SETBP1: variants seen among roughly 807,000 people sequenced by gnomAD.
SETBP1 encodes the protein SET binding protein 1, also known as SET-binding protein.
Under a neutral mutation model 101.0 loss-of-function variants are expected in SETBP1, and 9 were observed. The observed-to-expected ratio is 0.09, with a 90% CI of 0.05 to 0.16. SETBP1 has a LOEUF of 0.16. Among genes scored for constraint, SETBP1 ranks in the 10% least tolerant of loss-of-function variants. SETBP1 has a pLI of 1.00. For missense variants in SETBP1, 1,858 were observed against 2,033.8 expected, an observed-to-expected ratio of 0.91 and a Z score of 1.66; for synonymous variants, 818 against 788.5, an observed-to-expected ratio of 1.04 and a Z score of -0.63.
chr18:44,812,539 G>T (rs2071885690), intron 2 of SETBP1, among the ~76,000 whole-genome samples: 1 of 152,144 alleles, frequency 6.6e-6, no homozygotes, highest in Admixed American at 6.6e-5. Context: ...TTGCATGTGA[G>T]ATATTTTTGC....
At chr18:45,023,627 G>C (rs575054073) in intron 4 of SETBP1, among the ~76,000 whole-genome samples, 1 of 152,188 alleles carries the variant, frequency 6.6e-6, no homozygotes, top group African/African-American at 2.4e-5. Context: ...CAGAGAGTTC[G>C]AAGTTAGTTA....
At chr18:44,983,893 G>A (rs1398729716) in intron 4 of SETBP1, among the ~76,000 whole-genome samples, 1 of 152,168 alleles carries the variant, frequency 6.6e-6, no homozygotes, top group Non-Finnish European at 1.5e-5. Context: ...GGCCATCTTA[G>A]AAAAGGTACA....
At chr18:44,709,137 A>G (rs1265889895) in intron 2 of SETBP1, among the ~76,000 whole-genome samples, 1 of 152,038 alleles carries the variant, frequency 6.6e-6, no homozygotes, top group African/African-American at 2.4e-5. Context: ...TGGGGGTTTA[A>G]AACATGTAGC....
intron 4 of SETBP1, among the ~76,000 whole-genome samples, chr18:44,999,176 C>G (rs779648713): frequency 6.6e-6 from 1 of 151,966 alleles, no homozygotes; most frequent in Non-Finnish European, 1.5e-5. Flanking sequence ...TCCAAGTTAT[C>G]GGATGATAAC....
At chr18:44,799,586 T>TTCTG (rs143188608) in intron 2 of SETBP1, among the ~76,000 whole-genome samples, 13 of 151,940 alleles carry the variant, frequency 8.6e-5, no homozygotes, top group Middle Eastern at 3.4e-3. Flanking sequence ...ATCACAGGGA[T>TTCTG]AGTAATATCG....
intron 3 of SETBP1, among the ~76,000 whole-genome samples, chr18:44,917,401 A>G (rs1000829652): frequency 6.6e-6 from 1 of 152,096 alleles, no homozygotes; most frequent in Non-Finnish European, 1.5e-5. Flanking sequence ...CTGATCCCAG[A>G]GTTACTCAGC....
intron 2 of SETBP1, among the ~76,000 whole-genome samples, chr18:44,797,895 G>A (rs1428450193): frequency 6.6e-6 from 1 of 152,084 alleles, no homozygotes; most frequent in African/African-American, 2.4e-5. Flanking sequence ...CAAATCCAGA[G>A]CCATCCTGTT....
chr18:45,016,790 C>T (rs1308259223), intron 4 of SETBP1, among the ~76,000 whole-genome samples: 3 of 148,954 alleles, frequency 2.0e-5, no homozygotes, highest in Non-Finnish European at 4.5e-5. Flanking sequence ...TCCACCCCCA[C>T]CCCTACCTCC....
intron 4 of SETBP1, among the ~76,000 whole-genome samples, chr18:44,963,066 A>G (rs1599382734): frequency 6.6e-6 from 1 of 152,154 alleles, no homozygotes; most frequent in African/African-American, 2.4e-5. Context: ...GGAAATCAAA[A>G]CCCAACGTGA....
At chr18:44,691,471 A>G (rs2068932135) in intron 1 of SETBP1, among the ~76,000 whole-genome samples, 1 of 151,128 alleles carries the variant, frequency 6.6e-6, no homozygotes, top group Non-Finnish European at 1.5e-5. Context: ...TGATTGGCCC[A>G]GGCAGGATTG....
At chr18:44,689,517 G>T (rs867059502) in intron 1 of SETBP1, among the ~76,000 whole-genome samples, 1 of 152,200 alleles carries the variant, frequency 6.6e-6, no homozygotes, top group Non-Finnish European at 1.5e-5. Context: ...ATTGTGACCA[G>T]ACTCTGATGG....
At chr18:44,788,002 GTTT>G in intron 2 of SETBP1, among the ~76,000 whole-genome samples, 1 of 144,742 alleles carries the variant, frequency 6.9e-6, no homozygotes, top group East Asian at 2.0e-4. Flanking sequence ...GTTTATTGGA[GTTT>G]TTTTTTTTTC....
At chr18:44,780,459 G>A (rs1191087029) in intron 2 of SETBP1, among the ~76,000 whole-genome samples, 1 of 152,178 alleles carries the variant, frequency 6.6e-6, no homozygotes, top group Non-Finnish European at 1.5e-5. Context: ...CATTGAAGGG[G>A]TCAGCTTTTC....
Position 44,897,009 on chromosome 18 carries a change from C to T in SETBP1, c.540+27726C>T, listed in dbSNP as rs78526244. Among the ~76,000 whole-genome samples, 174 of 152,242 alleles carry T rather than the reference C, an allele frequency of 1.1e-3. 1 individual carries two copies. Among genetic ancestry groups the T allele is most frequent in the African/African-American group, 4.0e-3 (168 of 41,546 alleles). ...TCGGAAATGTTTACCCAGCTGTCGC[C>T]CAGAGTGTATTGACTCACTCCTGTT... On this transcript the variant is annotated intron_variant, in intron 3 of 5. Coordinates refer to ENST00000649279, the MANE Select transcript of SETBP1 (RefSeq NM_015559.3).
At chr18:45,035,635 A>T (rs1275352818) in intron 4 of SETBP1, among the ~76,000 whole-genome samples, 1 of 152,238 alleles carries the variant, frequency 6.6e-6, no homozygotes, top group Non-Finnish European at 1.5e-5. Context: ...AATCCTGTTT[A>T]TGGCCTTCAT....
chr18:44,836,007 G>A (rs569743178), intron 2 of SETBP1, among the ~76,000 whole-genome samples: 2 of 152,258 alleles, frequency 1.3e-5, no homozygotes, highest in South Asian at 2.1e-4. Context: ...CTTCTGATCC[G>A]GCAACTAATC....
chr18:44,984,029 CG>C (rs1166597070), intron 4 of SETBP1, among the ~76,000 whole-genome samples: 1 of 149,648 alleles, frequency 6.7e-6, no homozygotes, highest in East Asian at 2.0e-4. Flanking sequence ...GGTGAAACCC[CG>C]TCTCTACTAA....
intron 5 of SETBP1, among the ~76,000 whole-genome samples, chr18:45,048,233 G>C (rs1326883706): frequency 6.6e-6 from 1 of 152,164 alleles, no homozygotes; most frequent in Non-Finnish European, 1.5e-5. Context: ...GTCTCACTGA[G>C]ACTTCTGAGT....
chr18:44,826,317 G>A (rs1338971392), intron 2 of SETBP1, among the ~76,000 whole-genome samples: 1 of 152,178 alleles, frequency 6.6e-6, no homozygotes, highest in Non-Finnish European at 1.5e-5. Flanking sequence ...ACCTCCGTCA[G>A]TCCCTGGCCC....
Sources: gnomAD v4.1 joint callset for allele counts (sites outside exome capture counted in the v4.1 genomes callset) on GRCh38, gnomAD v4.1.1 for gene constraint, MANE v1.5 for transcripts, NCBI Gene and HGNC (gene_info 2026-07-23, HGNC 2026-07-21) for gene names.